The following EPB41L4A variants were observed in gnomAD, a reference collection of about 807,000 sequenced individuals.
The protein encoded by EPB41L4A is band 4.1-like protein 4A.
A neutral mutation model predicts 108.6 loss-of-function variants in EPB41L4A; 100 were observed. The ratio of observed to expected loss-of-function variants is 0.92; its 90% CI spans 0.78 to 1.09. EPB41L4A has a LOEUF of 1.09. Among genes scored for constraint, EPB41L4A ranks in the 50% least tolerant of loss-of-function variants. The pLI is 0.00. For synonymous variants in EPB41L4A, 319 were observed against 289.0 expected (o/e 1.10, Z -1.05); for missense variants, 1,030 against 842.7 (o/e 1.22, Z -2.75).
chr5:112,223,302 G>A (rs940133395), intron 12 of EPB41L4A, among the ~76,000 whole-genome samples: 19 of 151,880 alleles, frequency 1.3e-4, no homozygotes, highest in Non-Finnish European at 2.5e-4. Flanking sequence ...AAATAACCCT[G>A]AACTCTGAGA....
intron 5 of EPB41L4A, among the ~76,000 whole-genome samples, chr5:112,265,356 A>T (rs76949975): frequency 0.025 from 3,770 of 152,346 alleles, 90 homozygotes; most frequent in African/African-American, 0.067. Flanking sequence ...AGTGAAAAAC[A>T]ACCATGACCT....
At chr5:112,247,424 G>A (rs1158113926) in intron 9 of EPB41L4A, among the ~76,000 whole-genome samples, 1 of 152,072 alleles carries the variant, frequency 6.6e-6, no homozygotes, top group Non-Finnish European at 1.5e-5. Flanking sequence ...TCCTCACTAC[G>A]TGGACCCGCC....
downstream of EPB41L4A, among the ~76,000 whole-genome samples, chr5:112,159,143 A>C (rs1759756375): frequency 6.6e-6 from 1 of 151,368 alleles, no homozygotes; most frequent in Non-Finnish European, 1.5e-5. Flanking sequence ...TTGTGTGATG[A>C]CCACTGGGCT....
At chr5:112,317,345 T>C (rs899784499) in intron 1 of EPB41L4A, among the ~76,000 whole-genome samples, 4 of 152,222 alleles carry the variant, frequency 2.6e-5, no homozygotes, top group Non-Finnish European at 5.9e-5. Flanking sequence ...ACAAGAGCTA[T>C]GCAAACTTGT....
chr5:112,156,509 T>C (rs1759653272), intron 12 of EPB41L4A, among the ~76,000 whole-genome samples: 1 of 152,218 alleles, frequency 6.6e-6, no homozygotes, highest in African/African-American at 2.4e-5. Flanking sequence ...TTTTTTGTTC[T>C]ATTGAGGCCC....
chr5:112,222,205 A>G (rs1193189505), intron 12 of EPB41L4A, among the ~76,000 whole-genome samples: 1 of 152,246 alleles, frequency 6.6e-6, no homozygotes. Flanking sequence ...AAAACAAGTT[A>G]GAGCTACTGA....
intron 1 of EPB41L4A, among the ~76,000 whole-genome samples, chr5:112,417,342 A>G (rs915904035): frequency 7.2e-5 from 11 of 152,366 alleles, no homozygotes; most frequent in Middle Eastern, 3.4e-3. Context: ...GGAAGCTCAC[A>G]TTCCAGATGA....
intron 2 of EPB41L4A, among the ~76,000 whole-genome samples, chr5:112,283,460 C>G (rs953045269): frequency 1.3e-5 from 2 of 152,160 alleles, no homozygotes; most frequent in African/African-American, 4.8e-5. Flanking sequence ...CATTCATTAT[C>G]AACAAGCAAT....
At chr5:112,230,314 C>T (rs1472989574) in intron 12 of EPB41L4A, among the ~76,000 whole-genome samples, 1 of 152,164 alleles carries the variant, frequency 6.6e-6, no homozygotes. Flanking sequence ...ATACTATTTT[C>T]CACAGTGGTT....
At chr5:112,228,874 C>A (rs773369841) in intron 12 of EPB41L4A, 9 of 258,740 alleles carry the variant, frequency 3.5e-5, no homozygotes, top group Admixed American at 6.5e-5. Context: ...GGGAAGCAGG[C>A]AGCTGGGTGC....
chr5:112,287,513 C>G (rs1315050467), intron 2 of EPB41L4A, among the ~76,000 whole-genome samples: 1 of 152,204 alleles, frequency 6.6e-6, no homozygotes, highest in Non-Finnish European at 1.5e-5. Flanking sequence ...TGAGTCTGCC[C>G]TTGCAGTTAG....
At chr5:112,405,712 T>C (rs1762037099) in intron 1 of EPB41L4A, among the ~76,000 whole-genome samples, 2 of 152,230 alleles carry the variant, frequency 1.3e-5, no homozygotes, top group Admixed American at 1.3e-4. Flanking sequence ...AAAATACCTT[T>C]CCTGATTAAC....
chr5:112,304,558 T>C (rs1754568837), intron 2 of EPB41L4A, among the ~76,000 whole-genome samples: 1 of 152,218 alleles, frequency 6.6e-6, no homozygotes, highest in Admixed American at 6.5e-5. Context: ...TTATATTTAT[T>C]ACTGCTTTCA....
intron 4 of EPB41L4A, among the ~76,000 whole-genome samples, chr5:112,272,522 C>G (rs1407696741): frequency 3.3e-5 from 5 of 151,270 alleles, no homozygotes; most frequent in African/African-American, 1.2e-4. Flanking sequence ...GTAAAAAGAC[C>G]GGGTTACAGC....
chr5:112,417,711 A>G (rs1412839159), intron 1 of EPB41L4A, among the ~76,000 whole-genome samples: 1 of 152,234 alleles, frequency 6.6e-6, no homozygotes, highest in African/African-American at 2.4e-5. Context: ...AATTTTGCTC[A>G]GTATAATTAC....
At chr5:112,235,611 G>C (rs1413069527) in intron 11 of EPB41L4A, among the ~76,000 whole-genome samples, 3 of 152,114 alleles carry the variant, frequency 2.0e-5, no homozygotes, top group African/African-American at 7.2e-5. Flanking sequence ...TACATTTACA[G>C]GATAAACACA....
chr5:112,330,201 T>A (rs1375059453), intron 1 of EPB41L4A, among the ~76,000 whole-genome samples: 1 of 151,936 alleles, frequency 6.6e-6, no homozygotes, highest in South Asian at 2.1e-4. Flanking sequence ...ACACTCCCTT[T>A]TTCCTGTAGA....
At chr5:112,383,090 T>C (rs1760278554) in intron 1 of EPB41L4A, among the ~76,000 whole-genome samples, 1 of 152,160 alleles carries the variant, frequency 6.6e-6, no homozygotes, top group Non-Finnish European at 1.5e-5. Flanking sequence ...GAAGTGCATG[T>C]GAAGGGTTAG....
intron 1 of EPB41L4A, among the ~76,000 whole-genome samples, chr5:112,397,261 G>A (rs1350536387): frequency 6.6e-6 from 1 of 151,930 alleles, no homozygotes; most frequent in African/African-American, 2.4e-5. Flanking sequence ...GAATTCCCAA[G>A]GAAATAACTT....
Sources: gnomAD v4.1 joint callset for allele counts (sites outside exome capture counted in the v4.1 genomes callset) on GRCh38, gnomAD v4.1.1 for gene constraint, MANE v1.5 for transcripts, NCBI Gene and HGNC (gene_info 2026-07-23, HGNC 2026-07-21) for gene names.